Variants in SLC35F1 observed in about 807,000 individuals in gnomAD.
SLC35F1 encodes the protein chromosome 6 open reading frame 169.
A neutral mutation model predicts 48.7 loss-of-function variants in SLC35F1; 14 were observed. The observed-to-expected ratio is 0.29, with a 90% CI of 0.19 to 0.45. SLC35F1 has a LOEUF of 0.45. Ranked by LOEUF, SLC35F1 falls within the 20% of genes least tolerant of loss-of-function variation. The probability of loss-of-function intolerance (pLI) is 1.00; values close to 1 mark genes in which losing one functional copy is unlikely to be tolerated. For synonymous variants in SLC35F1, 190 were observed against 202.2 expected (o/e 0.94, Z 0.51); for missense variants, 404 against 500.0 (o/e 0.81, Z 1.83).
chr6:118,282,291 CAT>C (rs1454327596), intron 6 of SLC35F1, among the ~76,000 whole-genome samples: 12 of 152,320 alleles, frequency 7.9e-5, no homozygotes, highest in African/African-American at 2.6e-4. Flanking sequence ...TCAATTTAAT[CAT>C]GTGTTAACTA....
rs888336457 is a variant in SLC35F1, at chr6:118,316,490, T to C, written c.*2238T>C. The C allele has an allele frequency of 3.9e-5, 6 of 152,774 alleles. No homozygotes were observed. Among genetic ancestry groups the C allele is most frequent in the East Asian group, 1.9e-4 (1 of 5,192 alleles). The allele number at this position is 152,774 out of a possible 1,614,324, so 9.5% of individuals were successfully genotyped here. A position where few individuals can be genotyped will look rare whatever the true frequency, so the allele number is the denominator to read the frequency against. ...TTACATTCCTTTGGTTTGAATAATT[T>C]GCTTGATTTATTGCATTTTTAGTAT... On this transcript the variant is annotated 3_prime_UTR_variant, in exon 8 of 8. Coordinates refer to ENST00000360388, the MANE Select transcript of SLC35F1 (RefSeq NM_001029858.4).
At chr6:118,151,467 C>A (rs1472174594) in intron 1 of SLC35F1, among the ~76,000 whole-genome samples, 1 of 152,094 alleles carries the variant, frequency 6.6e-6, no homozygotes, top group Non-Finnish European at 1.5e-5. Context: ...AGCTCCTTAT[C>A]ATTATTTTTG....
chr6:118,157,092 A>G (rs928235660), intron 2 of SLC35F1, among the ~76,000 whole-genome samples: 42 of 152,300 alleles, frequency 2.8e-4, no homozygotes, highest in African/African-American at 6.5e-4. Flanking sequence ...GGAAATAGGT[A>G]TGATTATCCA....
chr6:118,054,488 T>C (rs1346193603), intron 1 of SLC35F1, among the ~76,000 whole-genome samples: 1 of 152,206 alleles, frequency 6.6e-6, no homozygotes, highest in Non-Finnish European at 1.5e-5. Context: ...TATAATTCCC[T>C]GCTCTTGGCA....
chr6:118,085,724 T>C (rs1272736014), intron 1 of SLC35F1, among the ~76,000 whole-genome samples: 2 of 151,470 alleles, frequency 1.3e-5, no homozygotes, highest in African/African-American at 2.4e-5. Context: ...AAATTAATTA[T>C]GATTATGTGA....
intron 1 of SLC35F1, among the ~76,000 whole-genome samples, chr6:117,975,500 A>G (rs768053505): frequency 1.6e-4 from 25 of 152,184 alleles, no homozygotes; most frequent in Non-Finnish European, 3.4e-4. Context: ...TCATTTTAGT[A>G]TGATCTCCCT....
intron 1 of SLC35F1, among the ~76,000 whole-genome samples, chr6:117,917,226 T>G (rs548056369): frequency 6.2e-4 from 94 of 151,892 alleles, no homozygotes; most frequent in African/African-American, 1.6e-3. Context: ...TTCATAATGA[T>G]GTGAAAGAAA....
intron 1 of SLC35F1, among the ~76,000 whole-genome samples, chr6:118,143,018 AT>A (rs1303220790): frequency 1.3e-5 from 2 of 152,074 alleles, no homozygotes; most frequent in Non-Finnish European, 2.9e-5. Flanking sequence ...TTGATTATAC[AT>A]TTTTCAAGCA....
intron 1 of SLC35F1, among the ~76,000 whole-genome samples, chr6:117,917,176 G>C (rs912584626): frequency 7.9e-5 from 12 of 152,084 alleles, no homozygotes; most frequent in Admixed American, 2.0e-4. Flanking sequence ...GGGTCTGGAG[G>C]AAAGTCATTC....
At position 118,285,257 on chromosome 6, in the gene SLC35F1, C is replaced by T; in HGVS notation, c.921C>T (p.Thr307=). ...YSFMPVVIKK[T]SATSVNLSLL... is the part of the protein sequence containing the mutation. The stretch of plus-strand genomic sequence containing the variant: ...TTATGCCAGTCGTCATAAAGAAAAC[C>T]AGTGCCACTTCAGTCAACCTCTCCT... The change falls in exon 7 of 8, where the codon ACC becomes ACT. Residue 307 remains threonine (T), a synonymous_variant. Coordinates refer to ENST00000360388, the MANE Select transcript of SLC35F1 (RefSeq NM_001029858.4). 1.2e-6 allele frequency: 2 copies of T among 1,613,998 alleles called. No individual in the cohort carries two copies. Among genetic ancestry groups the T allele is most frequent in the African/African-American group, 1.3e-5 (1 of 75,014 alleles).
chr6:117,996,975 C>G (rs896666263), intron 1 of SLC35F1, among the ~76,000 whole-genome samples: 1 of 151,202 alleles, frequency 6.6e-6, no homozygotes, highest in Non-Finnish European at 1.5e-5. Flanking sequence ...CAAACTACTC[C>G]GAGCTACAGG....
intron 2 of SLC35F1, among the ~76,000 whole-genome samples, chr6:118,160,622 C>G (rs1286609635): frequency 2.0e-5 from 3 of 152,118 alleles, no homozygotes; most frequent in African/African-American, 4.8e-5. Context: ...TCCTAGAGGT[C>G]TAGGTTCAAA....
chr6:118,103,856 T>G (rs758129428), intron 1 of SLC35F1, among the ~76,000 whole-genome samples: 1 of 152,176 alleles, frequency 6.6e-6, no homozygotes, highest in East Asian at 1.9e-4. Flanking sequence ...TTTTCTGTCA[T>G]TCAGTTCTGT....
At chr6:118,204,056 T>C (rs79783441) in intron 2 of SLC35F1, among the ~76,000 whole-genome samples, 4,195 of 151,536 alleles carry the variant, frequency 0.028, 188 homozygotes, top group African/African-American at 0.096. Flanking sequence ...ATGGAGGGCC[T>C]ACTTTATCTA....
At chr6:118,110,495 T>G (rs1231767444) in intron 1 of SLC35F1, among the ~76,000 whole-genome samples, 1 of 152,152 alleles carries the variant, frequency 6.6e-6, no homozygotes, top group Non-Finnish European at 1.5e-5. Flanking sequence ...TTCCAGGAGC[T>G]CTAACAGTTT....
chr6:118,208,905 A>G (rs1774969859), intron 2 of SLC35F1, among the ~76,000 whole-genome samples: 1 of 152,156 alleles, frequency 6.6e-6, no homozygotes, highest in Non-Finnish European at 1.5e-5. Context: ...TAAGCAAGTT[A>G]TAGAACCAGA....
intron 1 of SLC35F1, among the ~76,000 whole-genome samples, chr6:117,915,851 G>A (rs934207150): frequency 6.6e-6 from 1 of 152,184 alleles, no homozygotes; most frequent in African/African-American, 2.4e-5. Context: ...AGAAATGTGA[G>A]TCTAAGTGGG....
At chr6:117,920,921 T>C (rs77150300) in intron 1 of SLC35F1, among the ~76,000 whole-genome samples, 3,030 of 152,190 alleles carry the variant, frequency 0.02, 42 homozygotes, top group Non-Finnish European at 0.032. Context: ...GGGGGATATA[T>C]AAATATTTAA....
At chr6:118,150,671 C>T (rs1391897899) in intron 1 of SLC35F1, among the ~76,000 whole-genome samples, 2 of 152,158 alleles carry the variant, frequency 1.3e-5, no homozygotes, top group African/African-American at 4.8e-5. Context: ...TTAGTTGTAA[C>T]TCTATTCATA....
Sources: allele counts gnomAD v4.1 joint callset (sites outside exome capture counted in the v4.1 genomes callset), GRCh38; gene constraint gnomAD v4.1.1; transcripts MANE v1.5; gene names NCBI Gene and HGNC (gene_info 2026-07-23, HGNC 2026-07-21).